Variants in CAMK2D observed in about 807,000 individuals in gnomAD.
CAMK2D encodes calcium/calmodulin-dependent protein kinase type II subunit delta.
In CAMK2D, 37 loss-of-function variants were observed where a neutral mutation model predicts 84.0. The ratio of observed to expected loss-of-function variants is 0.44; its 90% CI spans 0.34 to 0.58. CAMK2D has a LOEUF of 0.58. Among genes scored for constraint, CAMK2D ranks in the 20% least tolerant of loss-of-function variants. The pLI is 0.02. For synonymous variants in CAMK2D, 202 were observed against 212.5 expected, an observed-to-expected ratio of 0.95 and a Z score of 0.43; for missense variants, 448 against 652.5, an observed-to-expected ratio of 0.69 and a Z score of 3.41.
chr4:113,546,886 T>C (rs1395232537), intron 6 of CAMK2D, among the ~76,000 whole-genome samples: 5 of 152,188 alleles, frequency 3.3e-5, no homozygotes, highest in African/African-American at 4.8e-5. Flanking sequence ...AGCTATTTCA[T>C]TTCTAAATGA....
rs999433146 is a variant in CAMK2D, at chr4:113,761,574, G to A, written c.-506C>T. ...GGACAGCCTGAGCCCAGCGGCCGCT[G>A]TCAGCAGGCTCAGGCGCGGGGCGCG... On this transcript the variant is annotated 5_prime_UTR_variant, in exon 1 of 21. Transcript: ENST00000511664. The A allele has an allele frequency of 3.3e-5, 33 of 985,300 alleles. No homozygotes were observed. Among genetic ancestry groups the A allele is most frequent in the Non-Finnish European group, 4.0e-5 (33 of 829,846 alleles). 61.0% of individuals were successfully genotyped at this position (985,300 alleles called of 1,614,324 possible).
chr4:113,498,534 A>G (rs543421994), intron 16 of CAMK2D, among the ~76,000 whole-genome samples: 33 of 152,340 alleles, frequency 2.2e-4, no homozygotes, highest in African/African-American at 7.2e-4. Flanking sequence ...TTATTAAGGT[A>G]ATAAAGCTAA....
At chr4:113,589,207 T>A (rs1457491771) in intron 4 of CAMK2D, among the ~76,000 whole-genome samples, 1 of 152,050 alleles carries the variant, frequency 6.6e-6, no homozygotes, top group African/African-American at 2.4e-5. Flanking sequence ...TGGAATTTGA[T>A]AGGAACTCTC....
At chr4:113,515,228 A>G in intron 9 of CAMK2D, 37 bp from the exon 10 acceptor site, 1 of 1,484,916 alleles carries the variant, frequency 6.7e-7, no homozygotes, top group Non-Finnish European at 9.2e-7. Flanking sequence ...TTTAAAAAAT[A>G]GACACACTCG....
chr4:113,594,609 T>C (rs1332129556), intron 4 of CAMK2D, among the ~76,000 whole-genome samples: 1 of 152,128 alleles, frequency 6.6e-6, no homozygotes, highest in Non-Finnish European at 1.5e-5. Flanking sequence ...AGCTTGACCA[T>C]CAAAAGCACT....
In CAMK2D at chr4:113,629,495, T is replaced by C. The variant is rs562860041; in HGVS notation, c.221-20289A>G. On this transcript the variant is annotated intron_variant, in intron 3 of 20. Transcript: ENST00000511664. ...TGCATATATAAACAAATAATATATA[T>C]ACATACATAACTAAAACATAAGTTA... Among the ~76,000 whole-genome samples the C allele has an allele frequency of 1.1e-3, 172 of 152,172 alleles. 1 individual carries two copies. Among genetic ancestry groups the C allele is most frequent in the Middle Eastern group, 3.4e-3 (1 of 294 alleles).
intron 16 of CAMK2D, among the ~76,000 whole-genome samples, chr4:113,487,445 T>C (rs1383989931): frequency 1.3e-5 from 2 of 152,128 alleles, no homozygotes; most frequent in African/African-American, 2.4e-5. Flanking sequence ...GCAATTATTT[T>C]ACTCTAATAA....
intron 2 of CAMK2D, among the ~76,000 whole-genome samples, chr4:113,690,933 G>A (rs1361646328): frequency 2.0e-5 from 3 of 152,142 alleles, no homozygotes; most frequent in African/African-American, 7.2e-5. Flanking sequence ...GGAAATATGA[G>A]AGATTGTTTA....
intron 2 of CAMK2D, among the ~76,000 whole-genome samples, chr4:113,667,050 C>T (rs1195980618): frequency 1.3e-5 from 2 of 152,176 alleles, no homozygotes; most frequent in African/African-American, 2.4e-5. Context: ...AAACTACAGC[C>T]TCGAGTAAGA....
chr4:113,624,282 A>G (rs2099058687), intron 3 of CAMK2D, among the ~76,000 whole-genome samples: 1 of 152,234 alleles, frequency 6.6e-6, no homozygotes, highest in African/African-American at 2.4e-5. Context: ...GCCAAGATGT[A>G]CCATGGAAAG....
chr4:113,479,564 T>C (rs2097673229), intron 16 of CAMK2D, among the ~76,000 whole-genome samples: 1 of 152,198 alleles, frequency 6.6e-6, no homozygotes, highest in Non-Finnish European at 1.5e-5. Context: ...TGTTTAAAAT[T>C]CATAATGAGT....
chr4:113,635,278 C>A (rs1474174266), intron 3 of CAMK2D, among the ~76,000 whole-genome samples: 1 of 152,046 alleles, frequency 6.6e-6, no homozygotes, highest in Non-Finnish European at 1.5e-5. Context: ...AGCCTAAATC[C>A]AACATATATT....
chr4:113,727,389 C>G (rs1308675377), intron 2 of CAMK2D, among the ~76,000 whole-genome samples: 1 of 152,060 alleles, frequency 6.6e-6, no homozygotes, highest in Non-Finnish European at 1.5e-5. Flanking sequence ...GAAACTCACT[C>G]ACACATACAT....
chr4:113,748,761 G>T (rs548331501), intron 2 of CAMK2D, among the ~76,000 whole-genome samples: 3 of 151,922 alleles, frequency 2.0e-5, no homozygotes, highest in African/African-American at 7.2e-5. Flanking sequence ...TGCTTGTTTG[G>T]GGGAAATGAA....
intron 4 of CAMK2D, among the ~76,000 whole-genome samples, chr4:113,568,765 GTTTT>G (rs1198391238): frequency 6.6e-6 from 1 of 151,640 alleles, no homozygotes; most frequent in Non-Finnish European, 1.5e-5. Flanking sequence ...TTGTTTGTTT[GTTTT>G]GTTTTTATAA....
chr4:113,483,760 C>G (rs2097731751), intron 16 of CAMK2D, among the ~76,000 whole-genome samples: 1 of 151,768 alleles, frequency 6.6e-6, no homozygotes, highest in South Asian at 2.1e-4. Context: ...TGCACTCCAG[C>G]CTGGATGACA....
At chr4:113,471,344 G>A (rs894900234) in intron 16 of CAMK2D, among the ~76,000 whole-genome samples, 22 of 152,072 alleles carry the variant, frequency 1.4e-4, no homozygotes, top group African/African-American at 5.3e-4. Flanking sequence ...GGCTCTGACC[G>A]CATGCTGAAG....
intron 16 of CAMK2D, among the ~76,000 whole-genome samples, chr4:113,494,620 G>C (rs2097900873): frequency 6.6e-6 from 1 of 152,218 alleles, no homozygotes; most frequent in East Asian, 1.9e-4. Flanking sequence ...CCCCAGAGGT[G>C]GAGCCTACAG....
intron 17 of CAMK2D, 31 bp from the exon 18 acceptor site, chr4:113,460,272 T>A (rs764035835): frequency 8.8e-7 from 1 of 1,139,310 alleles, no homozygotes; most frequent in African/African-American, 1.5e-5. Flanking sequence ...AAACAACCAA[T>A]TAATAGGTGC....
Sources: gnomAD v4.1 joint callset for allele counts (sites outside exome capture counted in the v4.1 genomes callset) on GRCh38, gnomAD v4.1.1 for gene constraint, MANE v1.5 for transcripts, NCBI Gene and HGNC (gene_info 2026-07-23, HGNC 2026-07-21) for gene names.